TCF12: variants seen among roughly 807,000 people sequenced by gnomAD.
The protein encoded by TCF12 is transcription factor 12, also known as DNA-binding protein HTF4.
In TCF12, 45 loss-of-function variants were observed where a neutral mutation model predicts 86.0. That is an observed-to-expected ratio of 0.52 (90% CI 0.41 to 0.67). The LOEUF is 0.67. Ranked by LOEUF, TCF12 falls within the 30% of genes least tolerant of loss-of-function variation. TCF12 has a pLI of 0.00. For synonymous variants in TCF12, 330 were observed against 299.6 expected (o/e 1.10, Z -1.05); for missense variants, 881 against 859.9 (o/e 1.02, Z -0.31).
At chr15:57,203,454 C>G (rs1323775781) in intron 8 of TCF12, among the ~76,000 whole-genome samples, 1 of 152,086 alleles carries the variant, frequency 6.6e-6, no homozygotes, top group Non-Finnish European at 1.5e-5. Context: ...CAAGTCTTTC[C>G]AAAATGTAAG....
chr15:57,279,475 A>C (rs1199414206), intron 19 of TCF12, among the ~76,000 whole-genome samples: 2 of 152,304 alleles, frequency 1.3e-5, no homozygotes, highest in Admixed American at 1.3e-4. Context: ...TACTTAGCAC[A>C]CATTTGCCGT....
intron 4 of TCF12, among the ~76,000 whole-genome samples, chr15:57,088,361 A>G (rs2048781353): frequency 6.6e-6 from 1 of 152,170 alleles, no homozygotes; most frequent in South Asian, 2.1e-4. Context: ...ATTTCAGAAG[A>G]AGTTTAAACT....
chr15:57,093,855 T>C (rs1275829494), intron 5 of TCF12, among the ~76,000 whole-genome samples: 4 of 152,182 alleles, frequency 2.6e-5, no homozygotes, highest in African/African-American at 9.7e-5. Flanking sequence ...AAATCTGCAT[T>C]CATGTGAACT....
chr15:57,225,008 T>G (rs1597434698), intron 8 of TCF12, among the ~76,000 whole-genome samples: 1 of 152,262 alleles, frequency 6.6e-6, no homozygotes, highest in African/African-American at 2.4e-5. Context: ...CTGAAAGCAT[T>G]GAGATATTTA....
At chr15:57,163,923 GTTC>G (rs772755278) in intron 5 of TCF12, among the ~76,000 whole-genome samples, 3 of 152,162 alleles carry the variant, frequency 2.0e-5, no homozygotes, top group Admixed American at 2.0e-4. Context: ...AGGTAATTGT[GTTC>G]TTCTTTGGCA....
At chr15:57,220,716 C>G (rs915386784) in intron 8 of TCF12, among the ~76,000 whole-genome samples, 11 of 150,660 alleles carry the variant, frequency 7.3e-5, no homozygotes, top group African/African-American at 2.4e-4. Context: ...AAAGAGTAAA[C>G]TCGGAAAGTT....
At chr15:57,254,245 G>A (rs1203538109) in intron 16 of TCF12, among the ~76,000 whole-genome samples, 1 of 152,066 alleles carries the variant, frequency 6.6e-6, no homozygotes, top group African/African-American at 2.4e-5. Flanking sequence ...ATGTGATGAA[G>A]GCTAAAAACT....
At chr15:57,247,634 T>C (rs1284028943) in intron 13 of TCF12, 1 of 781,310 alleles carries the variant, frequency 1.3e-6, no homozygotes, top group African/African-American at 1.7e-5. Context: ...TAAATTATAT[T>C]CTTCTGTTTC....
Position 57,268,032 on chromosome 15 carries a change from G to A in TCF12, c.1745+4758G>A, listed in dbSNP as rs563362326. On this transcript the variant is annotated intron_variant, in intron 18 of 20. Coordinates refer to ENST00000333725, the MANE Select transcript of TCF12 (RefSeq NM_207037.2). ...TAGTGTTATGGTGGTAATTTTAAGT[G>A]TATGGTGTAGGCTTGCTTCCATGGA... Among the ~76,000 whole-genome samples, 12 of 152,322 alleles carry A rather than the reference G, an allele frequency of 7.9e-5. No homozygotes were observed. In the South Asian group the frequency reaches 1.7e-3, roughly 21 times the overall value.
At chr15:57,050,216 C>A (rs559189183) in intron 3 of TCF12, among the ~76,000 whole-genome samples, 1 of 152,174 alleles carries the variant, frequency 6.6e-6, no homozygotes, top group African/African-American at 2.4e-5. Context: ...GAGGATAAAT[C>A]ATCTTTATTC....
At chr15:57,145,803 C>T (rs1464894053) in intron 5 of TCF12, among the ~76,000 whole-genome samples, 1 of 152,156 alleles carries the variant, frequency 6.6e-6, no homozygotes, top group Non-Finnish European at 1.5e-5. Flanking sequence ...CAGTCAGCCT[C>T]TCCTTATGCT....
At chr15:57,128,135 A>G (rs1476799010) in intron 5 of TCF12, among the ~76,000 whole-genome samples, 1 of 152,116 alleles carries the variant, frequency 6.6e-6, no homozygotes, top group African/African-American at 2.4e-5. Flanking sequence ...CATTATATGT[A>G]TGTCCGCTTC....
intron 3 of TCF12, among the ~76,000 whole-genome samples, chr15:57,041,224 C>T (rs1167063548): frequency 6.6e-6 from 1 of 152,172 alleles, no homozygotes; most frequent in East Asian, 1.9e-4. Context: ...GGCAATTTGG[C>T]AGTCAAACAA....
intron 3 of TCF12, among the ~76,000 whole-genome samples, chr15:56,921,369 A>G (rs2059783756): frequency 6.6e-6 from 1 of 152,126 alleles, no homozygotes; most frequent in South Asian, 2.1e-4. Context: ...TTTTTAAATG[A>G]TAAGTATTAG....
intron 18 of TCF12, among the ~76,000 whole-genome samples, chr15:57,263,711 A>G (rs1326621617): frequency 4.6e-5 from 7 of 152,228 alleles, no homozygotes; most frequent in South Asian, 2.1e-4. Context: ...TTGTGCAAAC[A>G]TACAGTATAC....
At chr15:57,194,063 G>A (rs1260018694) in intron 7 of TCF12, among the ~76,000 whole-genome samples, 1 of 152,114 alleles carries the variant, frequency 6.6e-6, no homozygotes, top group Non-Finnish European at 1.5e-5. Flanking sequence ...AGTATATACT[G>A]TGACAAAAAG....
chr15:57,022,775 T>C (rs553501720), intron 3 of TCF12, among the ~76,000 whole-genome samples: 21 of 152,340 alleles, frequency 1.4e-4, no homozygotes, highest in African/African-American at 4.8e-4. Flanking sequence ...TGGCGTGAGA[T>C]GGTATCTCAT....
At chr15:57,204,756 G>T in intron 8 of TCF12, among the ~76,000 whole-genome samples, 1 of 140,776 alleles carries the variant, frequency 7.1e-6, no homozygotes, top group Admixed American at 6.9e-5. Flanking sequence ...TGTCTAAACT[G>T]AAGATTTTTT....
Position 57,069,682 on chromosome 15 carries a change from G to A in TCF12, c.222+5859G>A, listed in dbSNP as rs147925985. On this transcript the variant is annotated intron_variant, in intron 4 of 20. Coordinates refer to ENST00000333725, the MANE Select transcript of TCF12 (RefSeq NM_207037.2). ...ACTAGTTAATGACAGCCTCTGGCAT[G>A]ACAGAACTCAGATATTCTGAATCTT... 1.5e-3 allele frequency among the ~76,000 whole-genome samples: 230 copies of A among 152,322 alleles called. 1 individual carries two copies. The highest frequency in any genetic ancestry group is 2.9e-4 in the Non-Finnish European group (20 of 68,024).
Sources: gnomAD v4.1 joint callset for allele counts (sites outside exome capture counted in the v4.1 genomes callset) on GRCh38, gnomAD v4.1.1 for gene constraint, MANE v1.5 for transcripts, NCBI Gene and HGNC (gene_info 2026-07-23, HGNC 2026-07-21) for gene names.